The following LRP1B variants were observed in gnomAD, a reference collection of about 807,000 sequenced individuals.
The protein encoded by LRP1B is LDL receptor related protein 1B, also known as low-density lipoprotein receptor-related protein 1B.
A neutral mutation model predicts 556.6 loss-of-function variants in LRP1B; 217 were observed. That is an observed-to-expected ratio of 0.39 (90% CI 0.35 to 0.44). LRP1B has a LOEUF of 0.44. Among genes scored for constraint, LRP1B ranks in the 20% least tolerant of loss-of-function variants. LRP1B has a pLI of 1.00. For missense variants in LRP1B, 5,053 were observed against 5,620.8 expected (o/e 0.90, Z 3.23); for synonymous variants, 2,047 against 1,865.8 (o/e 1.10, Z -2.50).
chr2:140,841,961 G>A (rs540035467), intron 29 of LRP1B, among the ~76,000 whole-genome samples: 4 of 152,170 alleles, frequency 2.6e-5, no homozygotes, highest in Admixed American at 6.5e-5. Flanking sequence ...AAAAATTTTA[G>A]TATTTTCTAG....
At chr2:141,861,081 T>A (rs1394030078) in intron 1 of LRP1B, among the ~76,000 whole-genome samples, 2 of 152,246 alleles carry the variant, frequency 1.3e-5, no homozygotes, top group Non-Finnish European at 2.9e-5. Context: ...AAAATAAATT[T>A]TTACTTTTAA....
intron 47 of LRP1B, among the ~76,000 whole-genome samples, chr2:140,529,606 T>G (rs927611854): frequency 6.6e-6 from 1 of 152,060 alleles, no homozygotes; most frequent in Admixed American, 6.6e-5. Context: ...TTGTTGTTTA[T>G]GGAATCTTTC....
rs1237644918 is a variant in LRP1B at position 140,236,039 on chromosome 2, C to T, written c.13561-1155G>A. On this transcript the variant is annotated intron_variant, in intron 89 of 90. Coordinates refer to ENST00000389484, the MANE Select transcript of LRP1B (RefSeq NM_018557.3). Reference sequence around the variant, plus strand: ...GCAGAAAATATCAAATGTAAGGTTACCAAGACTTTTTCCTTGAAAAATTTC... The same window carrying T: ...GCAGAAAATATCAAATGTAAGGTTATCAAGACTTTTTCCTTGAAAAATTTC... Among the ~76,000 whole-genome samples, 7 of 150,988 alleles carry T rather than the reference C, an allele frequency of 4.6e-5. No homozygotes were observed. In the South Asian group the frequency reaches 1.0e-3, roughly 22 times the overall value.
intron 11 of LRP1B, among the ~76,000 whole-genome samples, chr2:141,040,106 T>G (rs1051260197): frequency 1.3e-5 from 2 of 152,078 alleles, no homozygotes; most frequent in Admixed American, 1.3e-4. Context: ...CAATTTTATT[T>G]AGACTATATG....
intron 7 of LRP1B, among the ~76,000 whole-genome samples, chr2:141,166,547 ACT>A (rs1680271360): frequency 6.6e-6 from 1 of 151,310 alleles, no homozygotes; most frequent in South Asian, 2.1e-4. Flanking sequence ...TTCCATTTAT[ACT>A]CTTAGTTATT....
intron 2 of LRP1B, among the ~76,000 whole-genome samples, chr2:141,716,624 G>T (rs1428835667): frequency 1.3e-5 from 2 of 151,996 alleles, no homozygotes; most frequent in Non-Finnish European, 2.9e-5. Context: ...GCTCAAAGAA[G>T]GCCACTGCTC....
chr2:141,673,271 C>A (rs1019713845), intron 2 of LRP1B, among the ~76,000 whole-genome samples: 11 of 152,136 alleles, frequency 7.2e-5, no homozygotes, highest in African/African-American at 2.2e-4. Flanking sequence ...ACTAAAAAAC[C>A]TTTACTGCAA....
intron 1 of LRP1B, among the ~76,000 whole-genome samples, chr2:142,115,477 C>CAT (rs1707156184): frequency 3.5e-5 from 2 of 56,848 alleles, no homozygotes; most frequent in Non-Finnish European, 7.6e-5. Context: ...ATATTACATA[C>CAT]ATATAATATA....
Position 142,007,905 on chromosome 2 carries a change from C to T in LRP1B, c.82+122743G>A, listed in dbSNP as rs564468519. Reference sequence around the variant, plus strand: ...AGTCTACCAATTCCAGATAATGATCCCTACTTCGTTCAATTGTTAGGAGAG... The same window carrying T: ...AGTCTACCAATTCCAGATAATGATCTCTACTTCGTTCAATTGTTAGGAGAG... On this transcript the variant is annotated intron_variant, in intron 1 of 90. Coordinates refer to ENST00000389484, the MANE Select transcript of LRP1B (RefSeq NM_018557.3). Among the ~76,000 whole-genome samples, 9 of 152,198 alleles carry T rather than the reference C, an allele frequency of 5.9e-5. 1 individual carries two copies. In the South Asian group the frequency reaches 1.9e-3, roughly 32 times the overall value.
At chr2:141,785,638 A>T (rs1164766692) in intron 2 of LRP1B, among the ~76,000 whole-genome samples, 1 of 151,104 alleles carries the variant, frequency 6.6e-6, no homozygotes, top group African/African-American at 2.4e-5. Context: ...AAAACGGAAA[A>T]GATATATTTT....
chr2:141,943,193 G>A (rs1416403648), intron 1 of LRP1B, among the ~76,000 whole-genome samples: 1 of 152,012 alleles, frequency 6.6e-6, no homozygotes, highest in Non-Finnish European at 1.5e-5. Flanking sequence ...TTGTCTTGGA[G>A]GCAATCATTT....
intron 1 of LRP1B, among the ~76,000 whole-genome samples, chr2:141,892,397 T>G (rs1404828360): frequency 6.6e-6 from 1 of 151,948 alleles, no homozygotes. Context: ...TAAGTGGAAA[T>G]TTTTTTAAAA....
At chr2:141,681,651 G>A (rs1373890380) in intron 2 of LRP1B, among the ~76,000 whole-genome samples, 1 of 152,104 alleles carries the variant, frequency 6.6e-6, no homozygotes, top group Non-Finnish European at 1.5e-5. Context: ...TCAGAACAAA[G>A]TTAATTTTAT....
chr2:142,106,765 C>A (rs1433117571), intron 1 of LRP1B, among the ~76,000 whole-genome samples: 3 of 152,038 alleles, frequency 2.0e-5, no homozygotes, highest in East Asian at 1.9e-4. Flanking sequence ...AATCTGATAA[C>A]AATACAAAAT....
rs555049454 is a variant in LRP1B, at chr2:141,969,931, C to T, written c.83-159530G>A. ...CAAGGGCTCTTTTTTTTTCCACACT[C>T]TTGCCAACACTTATCTTTCATCTTT... is the stretch of plus-strand genomic sequence containing the variant. On this transcript the variant is annotated intron_variant, in intron 1 of 90. Coordinates refer to ENST00000389484, the MANE Select transcript of LRP1B (RefSeq NM_018557.3). 4.0e-5 allele frequency among the ~76,000 whole-genome samples: 6 copies of T among 151,492 alleles called. No individual in the cohort carries two copies. In the South Asian group the frequency reaches 8.3e-4, roughly 21 times the overall value.
chr2:142,083,018 G>T (rs868300756), intron 1 of LRP1B, among the ~76,000 whole-genome samples: 2 of 152,150 alleles, frequency 1.3e-5, no homozygotes, highest in Non-Finnish European at 2.9e-5. Context: ...AGAATCTACA[G>T]ATTCTCAGAG....
intron 7 of LRP1B, among the ~76,000 whole-genome samples, chr2:141,178,909 T>C (rs1001647093): frequency 6.6e-6 from 1 of 152,074 alleles, no homozygotes; most frequent in African/African-American, 2.4e-5. Flanking sequence ...GCTGGACTCA[T>C]GTATGAATGT....
At chr2:140,705,275 A>T (rs570004176) in intron 37 of LRP1B, among the ~76,000 whole-genome samples, 1 of 152,086 alleles carries the variant, frequency 6.6e-6, no homozygotes, top group East Asian at 1.9e-4. Flanking sequence ...TGTAATACTA[A>T]CACTTTGGGA....
chr2:141,809,284 A>T (rs1047044540), intron 2 of LRP1B, among the ~76,000 whole-genome samples: 1 of 152,180 alleles, frequency 6.6e-6, no homozygotes, highest in Non-Finnish European at 1.5e-5. Flanking sequence ...GGTTTTCTTC[A>T]AAACTGTCTG....
Sources: allele counts gnomAD v4.1 joint callset (sites outside exome capture counted in the v4.1 genomes callset), GRCh38; gene constraint gnomAD v4.1.1; transcripts MANE v1.5; gene names NCBI Gene and HGNC (gene_info 2026-07-23, HGNC 2026-07-21).